MFN1: variants seen among roughly 807,000 people sequenced by gnomAD.
MFN1 encodes mitofusin-1.
In MFN1, 65 loss-of-function variants were observed where a neutral mutation model predicts 92.4. The ratio of observed to expected loss-of-function variants is 0.70; its 90% confidence interval spans 0.58 to 0.86. The LOEUF is 0.86. Ranked by LOEUF, MFN1 falls within the 40% of genes least tolerant of loss-of-function variation. MFN1 has a pLI of 0.00. For synonymous variants in MFN1, 297 were observed against 300.9 expected (o/e 0.99, Z 0.13); for missense variants, 781 against 868.0 (o/e 0.90, Z 1.26).
intron 14 of MFN1, among the ~76,000 whole-genome samples, chr3:179,382,632 C>T (rs1467773417): frequency 7.2e-5 from 11 of 152,176 alleles, no homozygotes; most frequent in Non-Finnish European, 1.3e-4. Flanking sequence ...TTCTAGATCC[C>T]TGAGGAATCA....
Position 179,351,943 on chromosome 3 carries a change from T to C in MFN1, c.156T>C (p.Asp52=), listed in dbSNP as rs1324906304. 1.9e-6 allele frequency: 3 copies of C among 1,610,292 alleles called. No individual in the cohort carries two copies. Among genetic ancestry groups the C allele is most frequent in the African/African-American group, 2.7e-5 (2 of 74,910 alleles). The stretch of plus-strand genomic sequence containing the variant: ...AACTTGATCGAATAGCCACTGAAGA[T>C]GATCTGGTAGAAATGCAAGGATATA... ...NPELDRIATE[D]DLVEMQGYKD... Residue 52 remains aspartate, a synonymous_variant, in exon 3 of 18, where the codon GAT becomes GAC. Coordinates refer to ENST00000471841, the MANE Select transcript of MFN1 (RefSeq NM_033540.3).
rs952487023 is a variant in MFN1, at chr3:179,368,918, C to T, written c.975+815C>T. 2.6e-5 allele frequency among the ~76,000 whole-genome samples: 4 copies of T among 152,186 alleles called. No individual in the cohort carries two copies. The South Asian group carries it at 6.2e-4, about 24-fold the overall frequency. ...AGTAACTGCTTTAATGTAAAGGGGA[C>T]ATGAATGTTGAGTATACTTGGCAGG... On this transcript the variant is annotated intron_variant, in intron 9 of 17. Coordinates refer to ENST00000471841, the MANE Select transcript of MFN1 (RefSeq NM_033540.3).
At position 179,348,024 on chromosome 3, in the gene MFN1, T is replaced by C. The variant is rs1003394324; in HGVS notation, c.-8+214T>C. On this transcript the variant is annotated intron_variant, in intron 1 of 17. Transcript: ENST00000471841. The stretch of plus-strand genomic sequence containing the variant: ...CACGAGGCCGTGCTCGGGGGTGGGA[T>C]TGGGGGATCCGGACCTAGACGGTCG... The C allele has an allele frequency of 3.9e-5, 6 of 152,056 alleles. 1 individual carries two copies. Among genetic ancestry groups the C allele is most frequent in the Admixed American group, 2.0e-4 (3 of 15,282 alleles). 9.4% of individuals were successfully genotyped at this position (152,056 alleles called of 1,614,324 possible).
chr3:179,381,413 A>G (rs1455616741), intron 14 of MFN1, among the ~76,000 whole-genome samples: 4 of 152,244 alleles, frequency 2.6e-5, no homozygotes, highest in Non-Finnish European at 5.9e-5. Context: ...ATCAAAACAT[A>G]ACATTGTAGG....
chr3:179,350,427 T>G (rs1560188307), intron 2 of MFN1, among the ~76,000 whole-genome samples: 1 of 152,182 alleles, frequency 6.6e-6, no homozygotes. Flanking sequence ...GGAAATAATT[T>G]GAGCTGGCAC....
At chr3:179,362,076 C>T (rs565289204) in intron 4 of MFN1, among the ~76,000 whole-genome samples, 1 of 152,166 alleles carries the variant, frequency 6.6e-6, no homozygotes, top group East Asian at 1.9e-4. Context: ...TCAGAAAATA[C>T]AAATAGGCAA....
chr3:179,365,954 G>A (rs941920872), intron 7 of MFN1, among the ~76,000 whole-genome samples: 5 of 152,208 alleles, frequency 3.3e-5, no homozygotes, highest in Non-Finnish European at 7.3e-5. Context: ...ATTCAGTTAT[G>A]AATGCTACTG....
chr3:179,355,215 G>A (rs1007981703), intron 3 of MFN1, among the ~76,000 whole-genome samples: 1 of 152,116 alleles, frequency 6.6e-6, no homozygotes, highest in Non-Finnish European at 1.5e-5. Context: ...GACGACCAGA[G>A]GTCACTTTCA....
intron 3 of MFN1, among the ~76,000 whole-genome samples, chr3:179,357,167 T>TA (rs1217575915): frequency 2.6e-5 from 4 of 152,312 alleles, no homozygotes; most frequent in Admixed American, 6.5e-5. Flanking sequence ...TTAAAAGTGT[T>TA]ACGATTCTAA....
At position 179,351,914 on chromosome 3, in the gene MFN1, C is replaced by T. The variant is rs1266649389; in HGVS notation, c.127C>T (p.Pro43Ser). Reference protein sequence around the residue: ...SHFVEATYKNPELDRIATEDD... With the variant: ...SHFVEATYKNSELDRIATEDD... The stretch of plus-strand genomic sequence containing the variant: ...CAATTTTGCAGCAACATATAAGAAT[C>T]CGGAACTTGATCGAATAGCCACTGA... The change falls in exon 3 of 18, where the codon CCG becomes TCG. Residue 43 changes from proline (P) to serine (S), a missense_variant. Physicochemically the swap from Pro to Ser is moderately conservative, Grantham distance 74. Transcript: ENST00000471841. The T allele has an allele frequency of 6.2e-7, 1 of 1,603,896 alleles. No homozygotes were observed. The highest frequency in any genetic ancestry group is 8.5e-7 in the Non-Finnish European group (1 of 1,173,304).
intron 14 of MFN1, among the ~76,000 whole-genome samples, chr3:179,379,849 T>A (rs1357069916): frequency 1.3e-5 from 2 of 152,140 alleles, no homozygotes; most frequent in Non-Finnish European, 2.9e-5. Flanking sequence ...AAGAACAACT[T>A]TCCTAAAGTT....
At chr3:179,351,668 C>T (rs183927555) in intron 2 of MFN1, among the ~76,000 whole-genome samples, 2 of 152,152 alleles carry the variant, frequency 1.3e-5, no homozygotes, top group African/African-American at 2.4e-5. Flanking sequence ...ATGTTTGAGA[C>T]CTAGAAGTCC....
At chr3:179,361,813 C>G (rs1712592211) in intron 4 of MFN1, among the ~76,000 whole-genome samples, 1 of 152,186 alleles carries the variant, frequency 6.6e-6, no homozygotes, top group African/African-American at 2.4e-5. Flanking sequence ...GCTGGAATTA[C>G]TGGCATGAGC....
intron 10 of MFN1, 118 bp from the exon 11 acceptor site, chr3:179,376,924 G>T (rs1713261110): frequency 1.2e-6 from 1 of 848,960 alleles, no homozygotes. Flanking sequence ...GATGTTACAA[G>T]TTTTTTTTTT....
rs371750101 is a variant in MFN1, at chr3:179,353,116, C to T, written c.248+1081C>T. ...GTTGCCAGGTTGGAGTGCAGTGGCA[C>T]CATCTCGGCTCACTGCAACCTCCGC... On this transcript the variant is annotated intron_variant, in intron 3 of 17. Coordinates refer to ENST00000471841, the MANE Select transcript of MFN1 (RefSeq NM_033540.3). Among the ~76,000 whole-genome samples the T allele has an allele frequency of 3.4e-3, 498 of 146,814 alleles. 3 individuals are homozygous for T. The Middle Eastern group carries it at 0.049, about 15-fold the overall frequency.
intron 16 of MFN1, among the ~76,000 whole-genome samples, chr3:179,386,835 T>A (rs1055777499): frequency 6.6e-6 from 1 of 152,202 alleles, no homozygotes. Context: ...CTTTCCATTC[T>A]CCTGATAGAT....
intron 14 of MFN1, among the ~76,000 whole-genome samples, chr3:179,384,989 T>C (rs1198621724): frequency 7.0e-6 from 1 of 143,122 alleles, no homozygotes; most frequent in Admixed American, 7.4e-5. Context: ...CACTGCAAGC[T>C]CTGCCTCCTG....
At chr3:179,362,060 G>A (rs151193365) in intron 4 of MFN1, among the ~76,000 whole-genome samples, 122 of 152,148 alleles carry the variant, frequency 8.0e-4, no homozygotes, top group African/African-American at 2.8e-3. Context: ...ATTTATTTCA[G>A]TAGAATCAGA....
intron 14 of MFN1, among the ~76,000 whole-genome samples, chr3:179,381,983 T>C (rs1242468342): frequency 2.0e-5 from 3 of 152,238 alleles, no homozygotes; most frequent in Non-Finnish European, 4.4e-5. Context: ...TTGCAGGTGG[T>C]GCTACATTCA....
Sources: allele counts gnomAD v4.1 joint callset (sites outside exome capture counted in the v4.1 genomes callset), GRCh38; gene constraint gnomAD v4.1.1; transcripts MANE v1.5; gene names NCBI Gene and HGNC (gene_info 2026-07-23, HGNC 2026-07-21).